ATP11B: variants seen among roughly 807,000 people sequenced by gnomAD.
ATP11B encodes phospholipid-transporting ATPase IF.
Under a neutral mutation model 157.8 loss-of-function variants are expected in ATP11B, and 81 were observed. That is an observed-to-expected ratio of 0.51 (90% CI 0.43 to 0.62). ATP11B has a LOEUF of 0.62. Among genes scored for constraint, ATP11B ranks in the 20% least tolerant of loss-of-function variants. The pLI, the probability that ATP11B is intolerant of heterozygous loss-of-function variation, is 0.00. For missense variants in ATP11B, 1,165 were observed against 1,402.2 expected, an observed-to-expected ratio of 0.83 and a Z score of 2.70; for synonymous variants, 451 against 469.4, an observed-to-expected ratio of 0.96 and a Z score of 0.51.
At chr3:182,849,361 T>C (rs1262863837) in intron 10 of ATP11B, among the ~76,000 whole-genome samples, 2 of 152,184 alleles carry the variant, frequency 1.3e-5, no homozygotes, top group Non-Finnish European at 2.9e-5. Flanking sequence ...CTACAATGTA[T>C]TATTATGAAG....
intron 2 of ATP11B, among the ~76,000 whole-genome samples, chr3:182,823,332 T>C (rs1054940799): frequency 2.6e-5 from 4 of 152,260 alleles, no homozygotes; most frequent in Non-Finnish European, 5.9e-5. Context: ...TTTCTACATA[T>C]GGCTAGCCGG....
At chr3:182,826,953 G>A (rs1251666184) in intron 2 of ATP11B, among the ~76,000 whole-genome samples, 2 of 152,118 alleles carry the variant, frequency 1.3e-5, no homozygotes, top group Non-Finnish European at 2.9e-5. Context: ...AGTAACCATT[G>A]AGGCCTCATT....
intron 25 of ATP11B, among the ~76,000 whole-genome samples, chr3:182,890,523 G>A (rs1034682935): frequency 1.3e-5 from 2 of 152,068 alleles, no homozygotes; most frequent in African/African-American, 2.4e-5. Flanking sequence ...AAAATACACC[G>A]GTGTAATAAA....
chr3:182,861,933 G>A, intron 12 of ATP11B, among the ~76,000 whole-genome samples: 1 of 117,522 alleles, frequency 8.5e-6, no homozygotes. Flanking sequence ...AACAGAGTGA[G>A]ACCCTGTCTC....
intron 28 of ATP11B, among the ~76,000 whole-genome samples, chr3:182,911,178 G>A (rs1010612899): frequency 2.7e-5 from 4 of 150,038 alleles, no homozygotes; most frequent in Admixed American, 6.7e-5. Flanking sequence ...AAGCTTCTGC[G>A]GAATACACAC....
At chr3:182,830,301 T>TG (rs1197216655) in intron 4 of ATP11B, among the ~76,000 whole-genome samples, 15 of 150,494 alleles carry the variant, frequency 1.0e-4, no homozygotes, top group African/African-American at 3.2e-4. Context: ...CCCACCTGGT[T>TG]GACAGAGTGA....
intron 9 of ATP11B, among the ~76,000 whole-genome samples, chr3:182,846,305 A>G (rs996851260): frequency 6.6e-6 from 1 of 152,082 alleles, no homozygotes; most frequent in African/African-American, 2.4e-5. Flanking sequence ...CGAGAAAAAA[A>G]AAAAAACACA....
chr3:182,880,740 A>G (rs902102927), intron 20 of ATP11B, 139 bp from the exon 21 acceptor site: 23 of 426,878 alleles, frequency 5.4e-5, no homozygotes, highest in Non-Finnish European at 9.2e-5. Context: ...AAAAAAATGA[A>G]CCTGCATATT....
At position 182,860,144 on chromosome 3, in the gene ATP11B, T is replaced by G. The variant is rs376524891; in HGVS notation, c.1200+785T>G. 2.6e-5 allele frequency among the ~76,000 whole-genome samples: 4 copies of G among 152,216 alleles called. No individual in the cohort carries two copies. The South Asian group carries it at 6.2e-4, about 24-fold the overall frequency. On this transcript the variant is annotated intron_variant, in intron 12 of 29. Coordinates refer to ENST00000323116, the MANE Select transcript of ATP11B (RefSeq NM_014616.3). The stretch of plus-strand genomic sequence containing the variant: ...CATCCCATGTCTTCCTACCTGTGGC[T>G]TATTCTCTTTTGGTGCTGTACATCT...
intron 1 of ATP11B, among the ~76,000 whole-genome samples, chr3:182,811,542 CCTTT>C (rs1716667353): frequency 6.6e-6 from 1 of 152,296 alleles, no homozygotes; most frequent in African/African-American, 2.4e-5. Context: ...CACCTTCCTT[CCTTT>C]GGCTCATCCC....
intron 8 of ATP11B, 147 bp downstream of exon 8, chr3:182,842,269 T>G: frequency 4.6e-6 from 3 of 646,262 alleles, no homozygotes. Context: ...TTGTTTTGTT[T>G]ACATTTAGTG....
At chr3:182,866,560 T>G (rs1200342572) in intron 14 of ATP11B, 117 bp downstream of exon 14, 3 of 787,556 alleles carry the variant, frequency 3.8e-6, no homozygotes, top group African/African-American at 1.8e-5. Context: ...TTGTCAGAAT[T>G]CATATAAATA....
intron 25 of ATP11B, among the ~76,000 whole-genome samples, chr3:182,894,693 C>G (rs913189966): frequency 2.0e-5 from 3 of 152,150 alleles, no homozygotes; most frequent in African/African-American, 7.2e-5. Flanking sequence ...GGGGCCTATG[C>G]AAGAGGAAGC....
intron 22 of ATP11B, among the ~76,000 whole-genome samples, chr3:182,885,327 T>A (rs1722728423): frequency 6.6e-6 from 1 of 152,132 alleles, no homozygotes; most frequent in Admixed American, 6.5e-5. Context: ...TATCTTTGGG[T>A]CCTTTGGTAC....
In ATP11B at chr3:182,838,785, T is replaced by TTATA. The variant is rs757823857; in HGVS notation, c.656+1624_656+1627dup. Among the ~76,000 whole-genome samples, 257 of 145,046 alleles carry TTATA rather than the reference T, an allele frequency of 1.8e-3. 1 individual carries two copies. The highest frequency in any genetic ancestry group is 5.5e-3 in the African/African-American group (211 of 38,552). ...TTGTAACACATATATGTGCTATATA[T>TTATA]TATATATATATATATACACACACAT... On this transcript the variant is annotated intron_variant, in intron 7 of 29. Coordinates refer to ENST00000323116, the MANE Select transcript of ATP11B (RefSeq NM_014616.3).
chr3:182,853,582 G>A (rs904135204), intron 10 of ATP11B, among the ~76,000 whole-genome samples: 7 of 152,054 alleles, frequency 4.6e-5, no homozygotes, highest in South Asian at 4.1e-4. Context: ...ATCAAAAAGC[G>A]TAATATATTT....
intron 4 of ATP11B, among the ~76,000 whole-genome samples, chr3:182,830,660 A>T (rs1207940337): frequency 2.0e-5 from 3 of 152,216 alleles, no homozygotes; most frequent in Non-Finnish European, 4.4e-5. Flanking sequence ...TAAGGCATAA[A>T]TTGACATGGA....
In ATP11B at chr3:182,813,390, T is replaced by G. The variant is rs540007725; in HGVS notation, c.28-6870T>G. On this transcript the variant is annotated intron_variant, in intron 1 of 29. Transcript: ENST00000323116. ...TTTTGCCAATACTTATTTTCTGTTT[T>G]GTGGGGTGTTTTGTTTTGTTTTGTT... is the stretch of plus-strand genomic sequence containing the variant. Among the ~76,000 whole-genome samples the G allele has an allele frequency of 8.5e-5, 13 of 152,334 alleles. No individual in the cohort carries two copies. In the East Asian group the frequency reaches 2.5e-3, roughly 29 times the overall value.
At chr3:182,886,255 A>G (rs1722784155) in intron 23 of ATP11B, among the ~76,000 whole-genome samples, 1 of 152,186 alleles carries the variant, frequency 6.6e-6, no homozygotes, top group African/African-American at 2.4e-5. Context: ...AAAATAGATA[A>G]TAACCCTTAA....
Sources: gnomAD v4.1 joint callset for allele counts (sites outside exome capture counted in the v4.1 genomes callset) on GRCh38, gnomAD v4.1.1 for gene constraint, MANE v1.5 for transcripts, NCBI Gene and HGNC (gene_info 2026-07-23, HGNC 2026-07-21) for gene names.